Variants in INSYN2B observed in about 807,000 individuals in gnomAD.
INSYN2B encodes protein INSYN2B.
INSYN2B carries 16 observed loss-of-function variants against 41.2 expected under a neutral mutation model. The observed-to-expected ratio is 0.39, with a 90% CI of 0.26 to 0.59. INSYN2B has a LOEUF of 0.59. Ranked by LOEUF, INSYN2B falls within the 20% of genes least tolerant of loss-of-function variation. The pLI is 0.57. For missense variants in INSYN2B, 608 were observed against 646.4 expected (o/e 0.94, Z 0.64); for synonymous variants, 245 against 244.4 (o/e 1.00, Z -0.02).
At chr5:169,941,913 TG>T (rs1187341639) in intron 1 of INSYN2B, among the ~76,000 whole-genome samples, 5 of 152,198 alleles carry the variant, frequency 3.3e-5, no homozygotes, top group African/African-American at 1.2e-4. Flanking sequence ...CACCTATAAA[TG>T]TCAAGTCCCA....
At chr5:169,885,861 A>G (rs1182121443) in intron 1 of INSYN2B, among the ~76,000 whole-genome samples, 2 of 132,374 alleles carry the variant, frequency 1.5e-5, no homozygotes, top group African/African-American at 5.1e-5. Context: ...GCATTATCTC[A>G]TTTAATCCTT....
At chr5:169,974,010 C>T (rs1362515640) in intron 1 of INSYN2B, among the ~76,000 whole-genome samples, 3 of 152,152 alleles carry the variant, frequency 2.0e-5, no homozygotes, top group African/African-American at 4.8e-5. Flanking sequence ...GTGAGGTGGA[C>T]GATCACACAC....
At chr5:169,946,899 C>T (rs1022469654) in intron 1 of INSYN2B, among the ~76,000 whole-genome samples, 1 of 152,122 alleles carries the variant, frequency 6.6e-6, no homozygotes, top group African/African-American at 2.4e-5. Flanking sequence ...TCTGGGGAGA[C>T]AGTGTTCCAG....
At chr5:169,909,937 G>T (rs1201188060) in intron 1 of INSYN2B, among the ~76,000 whole-genome samples, 2 of 152,032 alleles carry the variant, frequency 1.3e-5, no homozygotes, top group Non-Finnish European at 2.9e-5. Context: ...ATTGACCCTT[G>T]TGCAGCTTGA....
chr5:169,946,453 G>T (rs1776452969), intron 1 of INSYN2B, among the ~76,000 whole-genome samples: 1 of 152,208 alleles, frequency 6.6e-6, no homozygotes, highest in Non-Finnish European at 1.5e-5. Flanking sequence ...GAAAGGGCAG[G>T]AGTGTTTTGG....
intron 1 of INSYN2B, among the ~76,000 whole-genome samples, chr5:169,908,533 A>G (rs1014184023): frequency 2.0e-5 from 3 of 152,132 alleles, no homozygotes; most frequent in African/African-American, 7.2e-5. Context: ...CCCACCTGCT[A>G]GAGGAAAATA....
chr5:169,871,519 T>A (rs1771969759), intron 3 of INSYN2B, among the ~76,000 whole-genome samples: 1 of 152,252 alleles, frequency 6.6e-6, no homozygotes, highest in Admixed American at 6.5e-5. Context: ...CTTCATTTTA[T>A]AAATGAGAAA....
chr5:169,902,866 G>A (rs185756039), intron 1 of INSYN2B, among the ~76,000 whole-genome samples: 3 of 152,126 alleles, frequency 2.0e-5, no homozygotes, highest in South Asian at 2.1e-4. Flanking sequence ...TTGGGAGGCC[G>A]AGGCAGGCGG....
chr5:169,957,142 T>A (rs1362525212), intron 1 of INSYN2B, among the ~76,000 whole-genome samples: 1 of 152,196 alleles, frequency 6.6e-6, no homozygotes, highest in Non-Finnish European at 1.5e-5. Flanking sequence ...AGGGACTATG[T>A]GTGATTTGCT....
intron 1 of INSYN2B, among the ~76,000 whole-genome samples, chr5:169,939,702 A>G (rs259909): frequency 0.7 from 107,081 of 151,958 alleles, 37,918 homozygotes; most frequent in African/African-American, 0.77. Context: ...CTGAGACGTC[A>G]TTATGCATGT....
chr5:169,883,743 A>T lies in INSYN2B; in HGVS notation c.156T>A (p.Ala52=). ...CTTCTGGAGTTTGGACGTCAACCTCAGCTAGGCCAGTTGGATTCTTAGTGG... is the reference window on the plus strand; with the variant it reads ...CTTCTGGAGTTTGGACGTCAACCTCTGCTAGGCCAGTTGGATTCTTAGTGG... ...DGTTKNPTGL[A]EVDVQTPEDP... The change falls in exon 2 of 4, where the codon GCT becomes GCA. Residue 52 remains alanine, a synonymous_variant. Coordinates refer to ENST00000377365, the MANE Select transcript of INSYN2B (RefSeq NM_001129891.3). 6.4e-7 allele frequency: 1 copy of T among 1,551,622 alleles called. No individual in the cohort carries two copies. Among genetic ancestry groups the T allele is most frequent in the Non-Finnish European group, 8.7e-7 (1 of 1,146,946 alleles).
rs1225339031 is a variant in INSYN2B at position 169,882,700 on chromosome 5, TTAA to T, written c.1196_1198del (p.Ile399del). ...TTCACCCCGTGCCAGGTGAATTTGA[TTAA>T]TGTCACTAATCTCCCTGTTGCTCTG... On this transcript the variant is annotated inframe_deletion, in exon 2 of 4. Coordinates refer to ENST00000377365, the MANE Select transcript of INSYN2B (RefSeq NM_001129891.3). The T allele has an allele frequency of 1.9e-6, 3 of 1,551,962 alleles. No individual in the cohort carries two copies. In the African/African-American group the frequency reaches 4.1e-5, roughly 21 times the overall value.
chr5:169,861,733 TG>T lies in INSYN2B; in HGVS notation c.*2539del, dbSNP rs1771210853. Among the ~76,000 whole-genome samples, 1 of 152,174 alleles carries T rather than the reference TG, an allele frequency of 6.6e-6. No individual in the cohort carries two copies. The highest frequency in any genetic ancestry group is 1.5e-5 in the Non-Finnish European group (1 of 68,030). Reference sequence around the variant, plus strand: ...TTTTAAACATAGAGACGACCATTTTTGTTCATCAGGAAAATGTTTATGGAAT... The same window carrying T: ...TTTTAAACATAGAGACGACCATTTTTTTCATCAGGAAAATGTTTATGGAAT... On this transcript the variant is annotated 3_prime_UTR_variant, in exon 4 of 4. Transcript: ENST00000377365.
At chr5:169,954,745 T>A (rs918911422) in intron 1 of INSYN2B, among the ~76,000 whole-genome samples, 3 of 152,212 alleles carry the variant, frequency 2.0e-5, no homozygotes, top group Non-Finnish European at 4.4e-5. Flanking sequence ...CCAAGATGAT[T>A]TTCAAGGAGT....
At chr5:169,898,917 G>T (rs778179711) in intron 1 of INSYN2B, among the ~76,000 whole-genome samples, 7 of 152,174 alleles carry the variant, frequency 4.6e-5, no homozygotes, top group Non-Finnish European at 1.0e-4. Flanking sequence ...AGAGACTAAA[G>T]TGAAGAAGCA....
At chr5:169,915,622 G>C (rs999648358) in intron 1 of INSYN2B, among the ~76,000 whole-genome samples, 2 of 151,890 alleles carry the variant, frequency 1.3e-5, no homozygotes, top group Admixed American at 6.6e-5. Flanking sequence ...AGGGGAGAGA[G>C]AGAGACAGAG....
chr5:169,963,661 C>T (rs1203848864), intron 1 of INSYN2B, among the ~76,000 whole-genome samples: 3 of 152,194 alleles, frequency 2.0e-5, no homozygotes, highest in Non-Finnish European at 2.9e-5. Context: ...AACCCACCCC[C>T]TCACCCAGTC....
At chr5:169,939,212 T>TG (rs1213752091) in intron 1 of INSYN2B, among the ~76,000 whole-genome samples, 1 of 151,466 alleles carries the variant, frequency 6.6e-6, no homozygotes, top group Non-Finnish European at 1.5e-5. Flanking sequence ...CCTTTTTTTT[T>TG]TTTTTAAACT....
chr5:169,972,583 A>G (rs1226002755), intron 1 of INSYN2B, among the ~76,000 whole-genome samples: 1 of 47,732 alleles, frequency 2.1e-5, no homozygotes, highest in Admixed American at 2.4e-4. Context: ...ATAGATAGAT[A>G]GATGATAGAT....
Sources: gnomAD v4.1 joint callset for allele counts (sites outside exome capture counted in the v4.1 genomes callset) on GRCh38, gnomAD v4.1.1 for gene constraint, MANE v1.5 for transcripts, NCBI Gene and HGNC (gene_info 2026-07-23, HGNC 2026-07-21) for gene names.